The following IMMP2L variants were observed in gnomAD, a reference collection of about 807,000 sequenced individuals.
The protein encoded by IMMP2L is mitochondrial inner membrane protease subunit 2.
IMMP2L carries 18 observed loss-of-function variants against 19.3 expected under a neutral mutation model. That is an observed-to-expected ratio of 0.93 (90% CI 0.64 to 1.38). IMMP2L has a LOEUF of 1.38. Among genes scored for constraint, IMMP2L ranks in the 40% most tolerant of loss-of-function variants. The probability of loss-of-function intolerance (pLI) is 0.00; values close to 1 mark genes in which losing one functional copy is unlikely to be tolerated. For synonymous variants in IMMP2L, 76 were observed against 73.0 expected (o/e 1.04, Z -0.21); for missense variants, 233 against 218.2 (o/e 1.07, Z -0.43).
intron 3 of IMMP2L, among the ~76,000 whole-genome samples, chr7:111,243,003 T>C (rs948753509): frequency 6.6e-6 from 1 of 152,154 alleles, no homozygotes; most frequent in Non-Finnish European, 1.5e-5. Flanking sequence ...AAATATTTTT[T>C]TCTGTCATAT....
At chr7:110,912,813 A>G (rs1249986581) in intron 4 of IMMP2L, among the ~76,000 whole-genome samples, 1 of 149,946 alleles carries the variant, frequency 6.7e-6, no homozygotes, top group Admixed American at 6.7e-5. Flanking sequence ...TAAAGTAGCA[A>G]CCTCTCTTAC....
At chr7:110,972,192 G>T (rs1362092609) in intron 3 of IMMP2L, among the ~76,000 whole-genome samples, 2 of 151,588 alleles carry the variant, frequency 1.3e-5, no homozygotes, top group Admixed American at 1.3e-4. Flanking sequence ...CATGATGCTT[G>T]GGATTTTAAA....
At chr7:110,935,453 G>C (rs1198718085) in intron 4 of IMMP2L, among the ~76,000 whole-genome samples, 3 of 151,956 alleles carry the variant, frequency 2.0e-5, no homozygotes, top group Non-Finnish European at 4.4e-5. Flanking sequence ...TTCAATTTTG[G>C]TGAATCTGAC....
chr7:111,123,981 A>G lies in IMMP2L; in HGVS notation c.240-160416T>C, dbSNP rs947947671. The stretch of plus-strand genomic sequence containing the variant: ...TTTGCGTGGACCCACCTGAATTCCA[A>G]GGTCAGAATGTTCGGCAAGTGCATT... On this transcript the variant is annotated intron_variant, in intron 3 of 5. Transcript: ENST00000405709. This position sits in a 1 kb window ranked among gnomAD's most constrained non-coding sequence, Gnocchi z 6.4. 1.2e-6 allele frequency: 2 copies of G among 1,613,916 alleles called. No individual in the cohort carries two copies. Among genetic ancestry groups the G allele is most frequent in the Admixed American group, 1.7e-5 (1 of 59,954 alleles).
chr7:110,792,469 C>T (rs929510004), intron 5 of IMMP2L, among the ~76,000 whole-genome samples: 1 of 152,036 alleles, frequency 6.6e-6, no homozygotes, highest in Non-Finnish European at 1.5e-5. Flanking sequence ...GACTAAACAT[C>T]CGGCTTTTCT....
chr7:111,291,221 G>A (rs574958074), intron 3 of IMMP2L, among the ~76,000 whole-genome samples: 3 of 151,310 alleles, frequency 2.0e-5, no homozygotes, highest in Admixed American at 2.0e-4. Context: ...TCTTTTGAGG[G>A]AAAAAAAAAG....
chr7:110,764,605 C>T (rs1161440597), intron 5 of IMMP2L, among the ~76,000 whole-genome samples: 1 of 151,998 alleles, frequency 6.6e-6, no homozygotes, highest in African/African-American at 2.4e-5. Context: ...GTGAACCTGA[C>T]AAGTCAACAA....
rs1015444380 is a variant in IMMP2L, at chr7:111,496,923, TAGAC to T, written c.136-9586_136-9583del. Among the ~76,000 whole-genome samples the T allele has an allele frequency of 2.3e-4, 35 of 151,170 alleles. 1 individual carries two copies. Among genetic ancestry groups the T allele is most frequent in the African/African-American group, 7.4e-4 (30 of 40,588 alleles). On this transcript the variant is annotated intron_variant, in intron 2 of 5. Coordinates refer to ENST00000405709, the MANE Select transcript of IMMP2L (RefSeq NM_032549.4). ...ATAGATAGATAGATAGATAGATAGA[TAGAC>T]AGACAGACAGATAAATATCCTATTC...
chr7:111,037,544 A>G (rs1791468573), intron 3 of IMMP2L, among the ~76,000 whole-genome samples: 2 of 152,176 alleles, frequency 1.3e-5, no homozygotes, highest in Admixed American at 1.3e-4. Context: ...TCATCCAGCT[A>G]TATTTTGTGA....
intron 5 of IMMP2L, among the ~76,000 whole-genome samples, chr7:110,699,001 G>A (rs986417406): frequency 1.3e-5 from 2 of 152,146 alleles, no homozygotes; most frequent in Middle Eastern, 3.2e-3. Flanking sequence ...AGCTGTCAGC[G>A]GAGTGTCAAA....
chr7:111,351,485 G>C (rs1017957355), intron 3 of IMMP2L, among the ~76,000 whole-genome samples: 1 of 152,010 alleles, frequency 6.6e-6, no homozygotes, highest in Non-Finnish European at 1.5e-5. Context: ...CACCGCACCC[G>C]GCCCATCTTT....
chr7:110,923,835 A>G (rs1409385710), intron 4 of IMMP2L, among the ~76,000 whole-genome samples: 1 of 152,166 alleles, frequency 6.6e-6, no homozygotes, highest in African/African-American at 2.4e-5. Flanking sequence ...TTCAAGGTAG[A>G]CTAAAACTGA....
intron 5 of IMMP2L, among the ~76,000 whole-genome samples, chr7:110,669,286 A>G (rs1234316272): frequency 6.6e-6 from 1 of 152,056 alleles, no homozygotes; most frequent in African/African-American, 2.4e-5. Flanking sequence ...GGAAGAGTCA[A>G]TGTTGCAGGT....
chr7:111,148,262 T>G (rs1445334624), intron 3 of IMMP2L, among the ~76,000 whole-genome samples: 3 of 152,206 alleles, frequency 2.0e-5, no homozygotes, highest in Non-Finnish European at 4.4e-5. Flanking sequence ...TCACAATAAG[T>G]TAAATATTGT....
intron 1 of IMMP2L, among the ~76,000 whole-genome samples, chr7:111,551,569 G>C (rs1849467117): frequency 6.6e-6 from 1 of 151,450 alleles, no homozygotes; most frequent in Non-Finnish European, 1.5e-5. Flanking sequence ...GAGGAAGCCA[G>C]GCTAAGCAAC....
At chr7:111,310,442 A>C (rs967057933) in intron 3 of IMMP2L, among the ~76,000 whole-genome samples, 59 of 152,010 alleles carry the variant, frequency 3.9e-4, no homozygotes, top group African/African-American at 1.4e-3. Flanking sequence ...TTTTATGTTA[A>C]AGTTTTGTTT....
intron 3 of IMMP2L, among the ~76,000 whole-genome samples, chr7:111,445,451 G>C (rs1733250813): frequency 6.6e-6 from 1 of 151,790 alleles, no homozygotes. Flanking sequence ...AGTTTAAACT[G>C]GTTTGGCCTT....
At chr7:111,490,519 G>C (rs534673479) in intron 2 of IMMP2L, among the ~76,000 whole-genome samples, 3 of 151,774 alleles carry the variant, frequency 2.0e-5, no homozygotes, top group Non-Finnish European at 4.4e-5. Flanking sequence ...CAAGCTAAAG[G>C]GATCTTTTTT....
intron 4 of IMMP2L, among the ~76,000 whole-genome samples, chr7:110,926,590 T>G: frequency 6.6e-6 from 1 of 152,232 alleles, no homozygotes; most frequent in Middle Eastern, 3.4e-3. Flanking sequence ...AATTAAAGGA[T>G]GTATATGTAT....
Sources: allele counts gnomAD v4.1 joint callset (sites outside exome capture counted in the v4.1 genomes callset), GRCh38; gene constraint gnomAD v4.1.1; non-coding constraint Gnocchi (gnomAD v3.1); transcripts MANE v1.5; gene names NCBI Gene and HGNC (gene_info 2026-07-23, HGNC 2026-07-21).